CSGALNACT1: variants seen among roughly 807,000 people sequenced by gnomAD.
CSGALNACT1 encodes chondroitin sulfate N-acetylgalactosaminyltransferase 1, also known as beta4GalNAcT-1.
A neutral mutation model predicts 51.0 loss-of-function variants in CSGALNACT1; 52 were observed. That is an observed-to-expected ratio of 1.02 (90% CI 0.82 to 1.29). The LOEUF (loss-of-function observed/expected upper bound fraction) is 1.29. Among genes scored for constraint, CSGALNACT1 ranks in the 50% most tolerant of loss-of-function variants. CSGALNACT1 has a pLI of 0.00. For missense variants in CSGALNACT1, 935 were observed against 679.2 expected (o/e 1.38, Z -4.19); for synonymous variants, 341 against 254.4 (o/e 1.34, Z -3.24).
intron 3 of CSGALNACT1, among the ~76,000 whole-genome samples, chr8:19,527,908 C>T (rs62493884): frequency 0.23 from 34,578 of 151,968 alleles, 4,456 homozygotes; most frequent in African/African-American, 0.36. Context: ...TTCAGGGCCA[C>T]TGGCATATTG....
chr8:19,415,081 T>G (rs2056606976), intron 8 of CSGALNACT1, among the ~76,000 whole-genome samples: 1 of 152,192 alleles, frequency 6.6e-6, no homozygotes, highest in South Asian at 2.1e-4. Context: ...TAAGCAAATC[T>G]CTTGCCTCTG....
At chr8:19,754,757 T>G (rs2065251209) in intron 1 of CSGALNACT1, among the ~76,000 whole-genome samples, 1 of 152,220 alleles carries the variant, frequency 6.6e-6, no homozygotes, top group Non-Finnish European at 1.5e-5. Flanking sequence ...TTTGCTACCT[T>G]AAAGGACAGG....
At chr8:19,637,066 G>T (rs570867186) in intron 1 of CSGALNACT1, among the ~76,000 whole-genome samples, 11 of 152,114 alleles carry the variant, frequency 7.2e-5, no homozygotes, top group African/African-American at 2.7e-4. Flanking sequence ...CAGACATGGT[G>T]GTCTCCACCT....
intron 1 of CSGALNACT1, among the ~76,000 whole-genome samples, chr8:19,691,045 T>C (rs771950534): frequency 2.0e-5 from 3 of 152,134 alleles, no homozygotes; most frequent in Non-Finnish European, 2.9e-5. Context: ...TGAGTGGCAA[T>C]TGCACCACTG....
intron 1 of CSGALNACT1, among the ~76,000 whole-genome samples, chr8:19,667,654 ACCC>A (rs1316122556): frequency 6.6e-6 from 1 of 151,560 alleles, no homozygotes; most frequent in Non-Finnish European, 1.5e-5. Context: ...GGTACTTGAA[ACCC>A]TAAGACTAAC....
intron 1 of CSGALNACT1, among the ~76,000 whole-genome samples, chr8:19,658,642 G>A (rs1195807053): frequency 1.3e-5 from 2 of 152,086 alleles, no homozygotes; most frequent in Non-Finnish European, 2.9e-5. Flanking sequence ...GCTGAGGCAC[G>A]AGAATCACTT....
At chr8:19,463,702 A>G (rs2066054036) in intron 4 of CSGALNACT1, among the ~76,000 whole-genome samples, 1 of 152,214 alleles carries the variant, frequency 6.6e-6, no homozygotes, top group Non-Finnish European at 1.5e-5. Context: ...GAGCTAGCTT[A>G]GATCTTTGTT....
chr8:19,452,261 C>T (rs1197706455), intron 5 of CSGALNACT1, among the ~76,000 whole-genome samples: 2 of 152,104 alleles, frequency 1.3e-5, no homozygotes, highest in Non-Finnish European at 2.9e-5. Flanking sequence ...GCCTGGGGGA[C>T]CTAGGGAAGA....
intron 1 of CSGALNACT1, among the ~76,000 whole-genome samples, chr8:19,694,964 T>TA (rs1217840827): frequency 3.2e-4 from 49 of 152,268 alleles, no homozygotes; most frequent in African/African-American, 9.9e-4. Context: ...CCCTTTCCAT[T>TA]CAACAAGCCC....
At chr8:19,726,288 T>C (rs903752809) in intron 1 of CSGALNACT1, among the ~76,000 whole-genome samples, 1 of 152,200 alleles carries the variant, frequency 6.6e-6, no homozygotes, top group Admixed American at 6.5e-5. Context: ...GGTTCTAAAA[T>C]GATACGTAAT....
intron 6 of CSGALNACT1, among the ~76,000 whole-genome samples, chr8:19,429,401 G>A (rs1051710342): frequency 3.3e-5 from 5 of 151,982 alleles, no homozygotes; most frequent in East Asian, 1.9e-4. Flanking sequence ...GGTCTCAAAC[G>A]CCTGACCTCA....
chr8:19,535,881 T>C (rs79512658), intron 3 of CSGALNACT1, among the ~76,000 whole-genome samples: 5,381 of 152,246 alleles, frequency 0.035, 298 homozygotes, highest in African/African-American at 0.11. Flanking sequence ...TTATACTTAA[T>C]GGTGAAATAC....
intron 3 of CSGALNACT1, among the ~76,000 whole-genome samples, chr8:19,530,076 G>C (rs1386186228): frequency 6.6e-6 from 1 of 151,958 alleles, no homozygotes; most frequent in Non-Finnish European, 1.5e-5. Context: ...AAAATAATTA[G>C]CCAGGCATAG....
chr8:19,601,032 T>C (rs1228108760), intron 2 of CSGALNACT1, among the ~76,000 whole-genome samples: 1 of 152,204 alleles, frequency 6.6e-6, no homozygotes, highest in South Asian at 2.1e-4. Flanking sequence ...TCCTGTTTCA[T>C]ACCATCGCAT....
chr8:19,467,795 G>C (rs1463035122), intron 4 of CSGALNACT1, among the ~76,000 whole-genome samples: 3 of 152,098 alleles, frequency 2.0e-5, no homozygotes, highest in Admixed American at 6.6e-5. Context: ...GATCAGCCTG[G>C]GCAACATGGT....
intron 1 of CSGALNACT1, among the ~76,000 whole-genome samples, chr8:19,630,254 G>A (rs2055062169): frequency 6.7e-6 from 1 of 148,240 alleles, no homozygotes; most frequent in East Asian, 2.0e-4. Context: ...ATGTGTGTGT[G>A]TTCTAGTAAA....
At chr8:19,506,564 T>C (rs781698805) in intron 3 of CSGALNACT1, among the ~76,000 whole-genome samples, 6 of 152,204 alleles carry the variant, frequency 3.9e-5, no homozygotes, top group Non-Finnish European at 8.8e-5. Flanking sequence ...CCAAGTCTTA[T>C]GCTGAAATAT....
At chr8:19,560,203 T>A (rs2040392889) in intron 3 of CSGALNACT1, among the ~76,000 whole-genome samples, 1 of 152,160 alleles carries the variant, frequency 6.6e-6, no homozygotes, top group African/African-American at 2.4e-5. Flanking sequence ...AATAAAAAAA[T>A]TCATTTCAAT....
At chr8:19,494,869 T>C (rs776149949) in intron 4 of CSGALNACT1, among the ~76,000 whole-genome samples, 25 of 110,476 alleles carry the variant, frequency 2.3e-4, no homozygotes, top group Non-Finnish European at 3.7e-4. Context: ...ATGTTCACAG[T>C]AAAAACAGAA....
Sources: gnomAD v4.1 joint callset for allele counts (sites outside exome capture counted in the v4.1 genomes callset) on GRCh38, gnomAD v4.1.1 for gene constraint, MANE v1.5 for transcripts, NCBI Gene and HGNC (gene_info 2026-07-23, HGNC 2026-07-21) for gene names.